The following PLP1 variants were observed in gnomAD, a reference collection of about 807,000 sequenced individuals.
PLP1 encodes proteolipid protein 1.
PLP1 carries 2 observed loss-of-function variants against 18.5 expected under a neutral mutation model. The ratio of observed to expected loss-of-function variants is 0.11; its 90% CI spans 0.04 to 0.34. The LOEUF (loss-of-function observed/expected upper bound fraction) is 0.34. Among genes scored for constraint, PLP1 ranks in the 10% least tolerant of loss-of-function variants. PLP1 has a pLI of 1.00. For missense variants in PLP1, 105 were observed against 207.3 expected (o/e 0.51, Z 3.03); for synonymous variants, 86 against 83.2 (o/e 1.03, Z -0.19).
At chrX:103,786,964 G>T in intron 3 of PLP1, 1 of 428,224 alleles carries the variant, frequency 2.3e-6, no homozygotes, top group Non-Finnish European at 4.1e-6. Context: ...CATGAGTTTT[G>T]TGGGATGCTT....
At chrX:103,789,009 C>T (rs2074522440) in intron 5 of PLP1, 1 of 345,474 alleles carries the variant, frequency 2.9e-6, no homozygotes, top group African/African-American at 2.6e-5. Flanking sequence ...CCGGGGGAGA[C>T]AGGCAGTAAA....
chrX:103,780,054 A>T (rs2074439667), intron 1 of PLP1: 1 of 113,005 alleles, frequency 8.8e-6, no homozygotes, highest in African/African-American at 3.2e-5. Context: ...TGCCAAACTT[A>T]CATCAAAAGC....
chrX:103,779,189 C>T (rs2074433178), intron 1 of PLP1, among the ~76,000 whole-genome samples: 1 of 112,390 alleles, frequency 8.9e-6, no homozygotes, highest in Non-Finnish European at 1.9e-5. Context: ...AGAGCAGTAG[C>T]TGATTATTCT....
At chrX:103,786,308 A>T (rs2074496569) in intron 2 of PLP1, 157 bp from the exon 3 acceptor site, 11 of 1,074,708 alleles carry the variant, frequency 1.0e-5, no homozygotes, top group East Asian at 9.0e-5. Flanking sequence ...AACAAAGATA[A>T]GGTGAAAGCA....
Position 103,777,606 on chromosome X carries a change from A to G in PLP1, c.4+607A>G, listed in dbSNP as rs58036578. On this transcript the variant is annotated intron_variant, in intron 1 of 6. Coordinates refer to ENST00000621218, the MANE Select transcript of PLP1 (RefSeq NM_000533.5). ...TATGTGCATATGTGCATGTGTGTGC[A>G]CATATAGGGTTGATCATTTCTAGCA... is the stretch of plus-strand genomic sequence containing the variant. 1.9e-3 allele frequency among the ~76,000 whole-genome samples: 212 copies of G among 112,041 alleles called. 2 individuals carry two copies. The East Asian group carries it at 0.021, about 11-fold the overall frequency.
At chrX:103,788,558 A>G (rs1053426729) in intron 5 of PLP1, 48 bp downstream of exon 5, 2 of 910,515 alleles carry the variant, frequency 2.2e-6, no homozygotes, top group East Asian at 3.1e-5. Context: ...CTAATACCAT[A>G]CAAATTACAC....
At chrX:103,788,983 G>A in intron 5 of PLP1, 2 of 326,466 alleles carry the variant, frequency 6.1e-6, no homozygotes, top group Non-Finnish European at 1.1e-5. Context: ...AATGAGGCAG[G>A]GGAATAAAAG....
intron 1 of PLP1, among the ~76,000 whole-genome samples, chrX:103,783,438 C>T: frequency 8.9e-6 from 1 of 112,445 alleles, no homozygotes; most frequent in South Asian, 3.7e-4. Flanking sequence ...TAGCTGCTTA[C>T]TTTGTTTGGC....
intron 1 of PLP1, among the ~76,000 whole-genome samples, chrX:103,779,212 A>G (rs2074433283): frequency 8.9e-6 from 1 of 112,455 alleles, no homozygotes; most frequent in Non-Finnish European, 1.9e-5. Flanking sequence ...GCTCTGAAAC[A>G]CAATGCCATT....
chrX:103,785,325 C>T (rs2074485553), intron 1 of PLP1, among the ~76,000 whole-genome samples: 1 of 112,514 alleles, frequency 8.9e-6, no homozygotes, highest in African/African-American at 3.2e-5. Context: ...GATCCACCTG[C>T]CTCAGCCTCC....
At chrX:103,789,026 CT>C (rs2074522612) in intron 5 of PLP1, 2 of 364,343 alleles carry the variant, frequency 5.5e-6, no homozygotes, top group Admixed American at 9.0e-5. Flanking sequence ...TAAATTATTT[CT>C]TTGACAGCAA....
chrX:103,784,853 T>A (rs1250643219), intron 1 of PLP1, among the ~76,000 whole-genome samples: 1 of 112,057 alleles, frequency 8.9e-6, no homozygotes, highest in East Asian at 2.8e-4. Flanking sequence ...TCTCTCTTCA[T>A]ATCCCGTATA....
intron 1 of PLP1, among the ~76,000 whole-genome samples, chrX:103,780,435 C>CTG (rs759765185): frequency 0.012 from 803 of 68,323 alleles, 7 homozygotes; most frequent in African/African-American, 0.02. Flanking sequence ...CATTCTGTCT[C>CTG]TCTCTGTGTG....
At chrX:103,776,565 T>A, upstream of PLP1, 1 of 152,452 alleles carries the variant, frequency 6.6e-6, no homozygotes. Context: ...CAAGGATCAG[T>A]TGGAAGTTTC....
chrX:103,788,017 A>T (rs369401853), intron 4 of PLP1, 51 bp downstream of exon 4: 28 of 1,007,409 alleles, frequency 2.8e-5, no homozygotes, highest in Non-Finnish European at 3.9e-5. Flanking sequence ...TGGAAGCACT[A>T]TATATTTGGT....
intron 1 of PLP1, 57 bp from the exon 2 acceptor site, chrX:103,785,525 G>C: frequency 1.9e-6 from 2 of 1,030,339 alleles, no homozygotes; most frequent in Non-Finnish European, 2.7e-6. Flanking sequence ...AGAGGGGTTT[G>C]AGTGGCATGA....
intron 1 of PLP1, among the ~76,000 whole-genome samples, chrX:103,778,219 G>C (rs1005747841): frequency 8.9e-6 from 1 of 112,443 alleles, no homozygotes; most frequent in Non-Finnish European, 1.9e-5. Context: ...TCAGGGTTGT[G>C]AGAATCAAGT....
chrX:103,781,999 G>A (rs2074457782), intron 1 of PLP1, among the ~76,000 whole-genome samples: 1 of 111,952 alleles, frequency 8.9e-6, no homozygotes, highest in African/African-American at 3.2e-5. Flanking sequence ...TTCTTGGACT[G>A]TGAAAAATCA....
intron 3 of PLP1, 93 bp downstream of exon 3, chrX:103,786,819 C>A: frequency 1.1e-6 from 1 of 929,464 alleles, no homozygotes. Flanking sequence ...GCTGGGTCCT[C>A]TCTAGGGGCC....
Sources: allele counts gnomAD v4.1 joint callset (sites outside exome capture counted in the v4.1 genomes callset), GRCh38; gene constraint gnomAD v4.1.1; transcripts MANE v1.5; gene names NCBI Gene and HGNC (gene_info 2026-07-23, HGNC 2026-07-21).